The following RBFOX3 variants were observed in gnomAD, a reference collection of about 807,000 sequenced individuals.
The protein encoded by RBFOX3 is RNA binding protein fox-1 homolog 3.
A neutral mutation model predicts 48.7 loss-of-function variants in RBFOX3; 17 were observed. The observed-to-expected ratio is 0.35, with a 90% CI of 0.24 to 0.52. The LOEUF (loss-of-function observed/expected upper bound fraction) is 0.52. RBFOX3 is among the 20% of genes least tolerant of loss of function. The pLI is 0.94. For synonymous variants in RBFOX3, 212 were observed against 209.5 expected, an observed-to-expected ratio of 1.01 and a Z score of -0.10; for missense variants, 382 against 497.5, an observed-to-expected ratio of 0.77 and a Z score of 2.21.
chr17:79,263,467 C>T (rs374691717), intron 3 of RBFOX3, among the ~76,000 whole-genome samples: 5 of 152,362 alleles, frequency 3.3e-5, no homozygotes, highest in African/African-American at 9.6e-5. Flanking sequence ...TTTTACCAGT[C>T]GTGGCGGGGC....
intron 4 of RBFOX3, among the ~76,000 whole-genome samples, chr17:79,209,719 C>T (rs535678856): frequency 4.6e-5 from 7 of 152,300 alleles, no homozygotes; most frequent in African/African-American, 1.7e-4. Context: ...GCTGGCCGGG[C>T]GTGGTGGCTC....
chr17:79,599,290 A>G (rs3923978), intron 1 of RBFOX3: 80,348 of 152,164 alleles, frequency 0.53, 21,545 homozygotes, highest in Non-Finnish European at 0.58. Context: ...CACTGCCCAC[A>G]CTCGGAGATT....
At chr17:79,097,540 CG>C in intron 10 of RBFOX3, 116 bp from the exon 11 acceptor site, 1 of 1,418,578 alleles carries the variant, frequency 7.0e-7, no homozygotes, top group South Asian at 1.5e-5. Flanking sequence ...CCCCAAGCCC[CG>C]CCCCCGGAGC....
intron 4 of RBFOX3, among the ~76,000 whole-genome samples, chr17:79,166,152 T>TC (rs11286272): frequency 6.6e-6 from 1 of 151,540 alleles, no homozygotes; most frequent in African/African-American, 2.4e-5. Flanking sequence ...CCCCTCCTGT[T>TC]CCCCCCCCGG....
the RBFOX3 span, among the ~76,000 whole-genome samples, chr17:79,660,138 G>C: frequency 1.3e-5 from 2 of 152,146 alleles, no homozygotes; most frequent in African/African-American, 4.8e-5. Flanking sequence ...AGTAAGCCAA[G>C]ATAACACCAC....
chr17:79,102,697 C>T (rs547643245), intron 8 of RBFOX3, among the ~76,000 whole-genome samples: 142 of 152,346 alleles, frequency 9.3e-4, no homozygotes, highest in African/African-American at 3.2e-3. Context: ...TCTGCTTCTA[C>T]CCAAACAAGG....
chr17:79,093,175 G>A (rs1035307925), intron 14 of RBFOX3, among the ~76,000 whole-genome samples: 2 of 152,144 alleles, frequency 1.3e-5, no homozygotes, highest in African/African-American at 4.8e-5. Context: ...GCCCACCTGA[G>A]GCCCAGCCCT....
chr17:79,605,377 G>A lies in RBFOX3; in HGVS notation c.-320+5449C>T, dbSNP rs921347625. The stretch of plus-strand genomic sequence containing the variant: ...AGGCAGTTTCCTTGCCTGCAAATGG[G>A]ATTATTTTCTAAAAGGGCTAAAATA... On this transcript the variant is annotated intron_variant, in intron 1 of 14. Transcript: ENST00000693108. Among the ~76,000 whole-genome samples the A allele has an allele frequency of 1.3e-3, 195 of 152,286 alleles. No homozygotes were observed. The East Asian group carries it at 0.027, about 21-fold the overall frequency.
chr17:79,254,096 T>C lies in RBFOX3; in HGVS notation c.-73-18291A>G, dbSNP rs527244644. Among the ~76,000 whole-genome samples the C allele has an allele frequency of 1.3e-5, 2 of 152,322 alleles. No individual in the cohort carries two copies. Among genetic ancestry groups the C allele is most frequent in the Non-Finnish European group, 2.9e-5 (2 of 68,020 alleles). ...CATGGTGCAAATGAAGTCACTGCAA[T>C]GCCCAGGTCCTGGGCAGGGAGGCAA... On this transcript the variant is annotated intron_variant, in intron 3 of 14. Coordinates refer to ENST00000693108, the MANE Select transcript of RBFOX3 (RefSeq NM_001350451.2). This position sits in a 1 kb window ranked among gnomAD's most constrained non-coding sequence, Gnocchi z 4.8.
chr17:79,267,975 T>C (rs1301843298), intron 3 of RBFOX3, among the ~76,000 whole-genome samples: 1 of 152,236 alleles, frequency 6.6e-6, no homozygotes, highest in African/African-American at 2.4e-5. Flanking sequence ...CCACTTTTTA[T>C]ACCCCCACTA....
At chr17:79,192,109 G>T (rs546678398) in intron 4 of RBFOX3, among the ~76,000 whole-genome samples, 18 of 152,258 alleles carry the variant, frequency 1.2e-4, no homozygotes, top group African/African-American at 4.1e-4. Flanking sequence ...GATCCTGGGA[G>T]GAAAATCCCT....
At position 79,252,288 on chromosome 17, in the gene RBFOX3, C is replaced by CA. The variant is rs2064088029; in HGVS notation, c.-73-16484_-73-16483insT. Among the ~76,000 whole-genome samples the CA allele has an allele frequency of 1.1e-5, 1 of 92,076 alleles. No individual in the cohort carries two copies. Among genetic ancestry groups the CA allele is most frequent in the African/African-American group, 2.7e-5 (1 of 36,832 alleles). 60.4% of individuals were successfully genotyped at this position (92,076 alleles called of 152,430 possible). ...CTAGCCGAGTTCCCTGTGGGTCCAA[C>CA]CTTTTGCTTCCCTTGATGTCTCCCA... On this transcript the variant is annotated intron_variant, in intron 3 of 14. Coordinates refer to ENST00000693108, the MANE Select transcript of RBFOX3 (RefSeq NM_001350451.2). The surrounding 1 kb of genome is among the most constrained non-coding windows in gnomAD (Gnocchi z 4.0).
rs1299828889 is a variant in RBFOX3, at chr17:79,482,438, G to A, written c.-175+16C>T. On this transcript the variant is annotated intron_variant, in intron 2 of 14. Coordinates refer to ENST00000693108, the MANE Select transcript of RBFOX3 (RefSeq NM_001350451.2). The surrounding 1 kb of genome is among the most constrained non-coding windows in gnomAD (Gnocchi z 4.1). ...ACTCTGGGGATGGGCATGGCGGACA[G>A]GTGGGGCCGCCTTACCTGGTAGTGG... 6.6e-6 allele frequency: 1 copy of A among 152,214 alleles called. No homozygotes were observed. The highest frequency in any genetic ancestry group is 1.5e-5 in the Non-Finnish European group (1 of 68,042). The allele number at this position is 152,214 out of a possible 1,614,324, so 9.4% of individuals were successfully genotyped here. A position where few individuals can be genotyped will look rare whatever the true frequency, so the allele number is the denominator to read the frequency against.
intron 1 of RBFOX3, among the ~76,000 whole-genome samples, chr17:79,483,810 A>T (rs1405764141): frequency 2.0e-5 from 3 of 152,144 alleles, no homozygotes; most frequent in African/African-American, 7.2e-5. Flanking sequence ...AACCCACAAA[A>T]GTTACTCCCC....
intron 1 of RBFOX3, among the ~76,000 whole-genome samples, chr17:79,550,024 C>T (rs992745626): frequency 1.3e-5 from 2 of 152,206 alleles, no homozygotes; most frequent in Non-Finnish European, 2.9e-5. Flanking sequence ...AGAGCTCTCA[C>T]GCATCCCTGA....
chr17:79,605,447 C>T (rs2093805855), intron 1 of RBFOX3, among the ~76,000 whole-genome samples: 1 of 152,136 alleles, frequency 6.6e-6, no homozygotes, highest in Admixed American at 6.5e-5. Flanking sequence ...CCACTCACAG[C>T]CCAGCGTTCA....
In RBFOX3 at chr17:79,364,019, C is replaced by T. The variant is rs780827711; in HGVS notation, c.-174-56195G>A. On this transcript the variant is annotated intron_variant, in intron 2 of 14. Coordinates refer to ENST00000693108, the MANE Select transcript of RBFOX3 (RefSeq NM_001350451.2). The surrounding 1 kb of genome is among the most constrained non-coding windows in gnomAD (Gnocchi z 5.1). ...CTTTATGGGGCTGTGCCTTCTCAAG[C>T]CTCAGCTCAGATGCCAGGTCCTCAG... 6.6e-6 allele frequency among the ~76,000 whole-genome samples: 1 copy of T among 152,186 alleles called. No individual in the cohort carries two copies. The highest frequency in any genetic ancestry group is 1.5e-5 in the Non-Finnish European group (1 of 68,046).
intron 4 of RBFOX3, among the ~76,000 whole-genome samples, chr17:79,150,035 T>TGGGGG (rs1287799901): frequency 1.3e-4 from 1 of 7,916 alleles, no homozygotes; most frequent in Non-Finnish European, 2.5e-4. Context: ...GGGTGGGGGG[T>TGGGGG]GGGGGTGGGG....
the RBFOX3 span, among the ~76,000 whole-genome samples, chr17:79,625,043 G>A: frequency 8.5e-5 from 13 of 152,118 alleles, 1 homozygote; most frequent in Admixed American, 8.5e-4. Flanking sequence ...AAAGGGTACA[G>A]TTTATGCGCT....
Sources: gnomAD v4.1 joint callset for allele counts (sites outside exome capture counted in the v4.1 genomes callset) on GRCh38, gnomAD v4.1.1 for gene constraint, Gnocchi (gnomAD v3.1) non-coding constraint, MANE v1.5 for transcripts, NCBI Gene and HGNC (gene_info 2026-07-23, HGNC 2026-07-21) for gene names.